The following GRM8 variants were observed in gnomAD, a reference collection of about 807,000 sequenced individuals.
The protein encoded by GRM8 is metabotropic glutamate receptor 8.
A neutral mutation model predicts 87.2 loss-of-function variants in GRM8; 47 were observed. The observed-to-expected ratio is 0.54, with a 90% CI of 0.43 to 0.69. The LOEUF (loss-of-function observed/expected upper bound fraction) is 0.69. GRM8 is among the 30% of genes least tolerant of loss of function. The pLI, the probability that GRM8 is intolerant of heterozygous loss-of-function variation, is 0.00. For missense variants in GRM8, 1,019 were observed against 1,139.2 expected (o/e 0.89, Z 1.52); for synonymous variants, 396 against 404.5 (o/e 0.98, Z 0.25).
chr7:126,564,496 A>T (rs1794023697), intron 8 of GRM8, among the ~76,000 whole-genome samples: 1 of 152,222 alleles, frequency 6.6e-6, no homozygotes, highest in African/African-American at 2.4e-5. Flanking sequence ...AGAAATGGAA[A>T]AAAAACACTA....
At chr7:126,991,093 T>C (rs1812616559) in intron 3 of GRM8, among the ~76,000 whole-genome samples, 2 of 152,200 alleles carry the variant, frequency 1.3e-5, no homozygotes, top group African/African-American at 4.8e-5. Flanking sequence ...TTTTATATTA[T>C]TCTAATTATT....
intron 6 of GRM8, among the ~76,000 whole-genome samples, chr7:126,874,003 A>G (rs1306626254): frequency 6.6e-6 from 1 of 152,092 alleles, no homozygotes; most frequent in African/African-American, 2.4e-5. Flanking sequence ...AAATATATAT[A>G]AATGTAAAAT....
intron 2 of GRM8, among the ~76,000 whole-genome samples, chr7:127,231,163 C>G (rs1006521999): frequency 6.6e-6 from 1 of 152,110 alleles, no homozygotes; most frequent in Non-Finnish European, 1.5e-5. Flanking sequence ...ATATCACCTG[C>G]CTACCTGTAT....
intron 9 of GRM8, among the ~76,000 whole-genome samples, chr7:126,477,601 A>AAG (rs1175230009): frequency 1.2e-4 from 17 of 146,184 alleles, no homozygotes; most frequent in African/African-American, 4.4e-4. Flanking sequence ...GAAAGAAAGA[A>AAG]AGAAAGAAAG....
Position 126,788,420 on chromosome 7 carries a change from A to AAAAAAAAC in GRM8, c.1157-18356_1157-18355insGTTTTTTT. ...GCAAGACTCCATCTCAAAAAAAAAA[A>AAAAAAAAC]AAACCCTTTCAGATATCTTTAACAT... On this transcript the variant is annotated intron_variant, in intron 6 of 10. Coordinates refer to ENST00000339582, the MANE Select transcript of GRM8 (RefSeq NM_000845.3). Among the ~76,000 whole-genome samples the AAAAAAAAC allele has an allele frequency of 6.2e-5, 5 of 81,138 alleles. 1 individual carries two copies. The highest frequency in any genetic ancestry group is 5.0e-4 in the Admixed American group (3 of 5,974). The allele number at this position is 81,138 out of a possible 152,430, so 53.2% of individuals were successfully genotyped here.
chr7:126,450,671 G>T (rs1234074916), intron 9 of GRM8, among the ~76,000 whole-genome samples: 1 of 151,482 alleles, frequency 6.6e-6, no homozygotes, highest in African/African-American at 2.4e-5. Flanking sequence ...AACTGGAGTT[G>T]TCCTGTGGGT....
chr7:127,106,780 G>A (rs1167923438), intron 2 of GRM8, 68 bp from the exon 3 acceptor site: 2 of 1,132,862 alleles, frequency 1.8e-6, no homozygotes, highest in Non-Finnish European at 2.7e-6. Context: ...TGTCATATGA[G>A]CTAAACAGCC....
chr7:126,557,587 CTG>C (rs1793286218), intron 8 of GRM8, among the ~76,000 whole-genome samples: 1 of 152,170 alleles, frequency 6.6e-6, no homozygotes, highest in Non-Finnish European at 1.5e-5. Flanking sequence ...ATAAAATTCA[CTG>C]TGAGTAAAGA....
intron 3 of GRM8, among the ~76,000 whole-genome samples, chr7:127,079,116 C>T (rs4615512): frequency 0.57 from 86,773 of 151,554 alleles, 25,677 homozygotes; most frequent in African/African-American, 0.65. Flanking sequence ...CTTTGTGTTT[C>T]TTTTTTCTTT....
At chr7:127,223,073 A>G (rs1004184563) in intron 2 of GRM8, among the ~76,000 whole-genome samples, 2 of 152,194 alleles carry the variant, frequency 1.3e-5, no homozygotes, top group African/African-American at 4.8e-5. Context: ...AGGAAGGCAG[A>G]GTAAATGTTC....
At chr7:126,543,167 T>C (rs1043205562) in intron 8 of GRM8, among the ~76,000 whole-genome samples, 1 of 152,242 alleles carries the variant, frequency 6.6e-6, no homozygotes, top group Non-Finnish European at 1.5e-5. Flanking sequence ...TGTTCTTCCA[T>C]GGACTTTTAC....
At chr7:127,105,877 C>G (rs1232007155) in intron 3 of GRM8, among the ~76,000 whole-genome samples, 2 of 152,040 alleles carry the variant, frequency 1.3e-5, no homozygotes, top group Non-Finnish European at 2.9e-5. Flanking sequence ...TGGTAAAATG[C>G]CTAGACACTT....
intron 3 of GRM8, among the ~76,000 whole-genome samples, chr7:126,945,790 T>C (rs184236791): frequency 9.4e-4 from 143 of 152,324 alleles, no homozygotes; most frequent in African/African-American, 2.7e-3. Flanking sequence ...GAGCTATACA[T>C]TTTGTCAAGG....
At chr7:127,144,197 T>A (rs923196735) in intron 2 of GRM8, among the ~76,000 whole-genome samples, 1 of 152,136 alleles carries the variant, frequency 6.6e-6, no homozygotes, top group Non-Finnish European at 1.5e-5. Context: ...TATTACTTCT[T>A]AAGCAGCACT....
chr7:126,819,048 A>G (rs1308295496), intron 6 of GRM8, among the ~76,000 whole-genome samples: 4 of 152,092 alleles, frequency 2.6e-5, no homozygotes, highest in Admixed American at 2.6e-4. Context: ...CTGAACTGCA[A>G]CTAGGGCGGC....
At chr7:127,168,837 A>T (rs928640260) in intron 2 of GRM8, among the ~76,000 whole-genome samples, 2 of 151,736 alleles carry the variant, frequency 1.3e-5, no homozygotes, top group Middle Eastern at 3.4e-3. Flanking sequence ...GGGGAACATC[A>T]CACACGGGGG....
At chr7:126,682,377 C>T (rs916040996) in intron 7 of GRM8, among the ~76,000 whole-genome samples, 17 of 152,312 alleles carry the variant, frequency 1.1e-4, no homozygotes, top group Admixed American at 4.6e-4. Context: ...TTTTCATAAA[C>T]CATCTGATTT....
At chr7:126,477,202 A>G (rs1806020165) in intron 9 of GRM8, among the ~76,000 whole-genome samples, 1 of 152,088 alleles carries the variant, frequency 6.6e-6, no homozygotes, top group Non-Finnish European at 1.5e-5. Context: ...GAACTTATAG[A>G]AGCAGAGACT....
At chr7:126,696,478 C>A (rs185858526) in intron 7 of GRM8, among the ~76,000 whole-genome samples, 87 of 152,220 alleles carry the variant, frequency 5.7e-4, no homozygotes, top group South Asian at 3.5e-3. Flanking sequence ...TGAGAACATG[C>A]GGTCTTTGAT....
Sources: gnomAD v4.1 joint callset for allele counts (sites outside exome capture counted in the v4.1 genomes callset) on GRCh38, gnomAD v4.1.1 for gene constraint, MANE v1.5 for transcripts, NCBI Gene and HGNC (gene_info 2026-07-23, HGNC 2026-07-21) for gene names.